CCNH: variants seen among roughly 807,000 people sequenced by gnomAD.
CCNH encodes cyclin H.
Under a neutral mutation model 41.9 loss-of-function variants are expected in CCNH, and 31 were observed. The ratio of observed to expected loss-of-function variants is 0.74; its 90% confidence interval spans 0.56 to 1.00. The LOEUF (loss-of-function observed/expected upper bound fraction) is 1.00. Ranked by LOEUF, CCNH falls within the 50% of genes least tolerant of loss-of-function variation. The pLI is 0.00. For missense variants in CCNH, 362 were observed against 388.4 expected, an observed-to-expected ratio of 0.93 and a Z score of 0.57; for synonymous variants, 138 against 136.1, an observed-to-expected ratio of 1.01 and a Z score of -0.10.
intron 9 of CCNH, among the ~76,000 whole-genome samples, chr5:87,385,851 A>G (rs141516104): frequency 1.3e-5 from 2 of 152,050 alleles, no homozygotes; most frequent in Non-Finnish European, 2.9e-5. Flanking sequence ...TTCTTGCCAT[A>G]TGTGGAAATA....
At chr5:87,392,633 C>CT (rs971667090), downstream of CCNH, 1 of 234,364 alleles carries the variant, frequency 4.3e-6, no homozygotes, top group African/African-American at 2.3e-5. Flanking sequence ...ACACCTCAAT[C>CT]TTTAGCCATA....
At chr5:87,348,372 A>T (rs548967377) in intron 9 of CCNH, among the ~76,000 whole-genome samples, 4 of 152,070 alleles carry the variant, frequency 2.6e-5, no homozygotes, top group Admixed American at 6.6e-5. Context: ...TCTTTTCTGG[A>T]TCATTTGAAC....
At chr5:87,390,661 G>C (rs576160249), downstream of CCNH, 155 of 738,224 alleles carry the variant, frequency 2.1e-4, 3 homozygotes, top group South Asian at 2.3e-3. Flanking sequence ...GAATAATAGA[G>C]ACTTATGTTT....
chr5:87,410,305 T>C (rs1463876697), intron 2 of CCNH, among the ~76,000 whole-genome samples: 1 of 152,182 alleles, frequency 6.6e-6, no homozygotes, highest in Non-Finnish European at 1.5e-5. Flanking sequence ...TTAAATTTAC[T>C]GCCTCATTTT....
chr5:87,359,215 G>A (rs2112447403), intron 9 of CCNH, among the ~76,000 whole-genome samples: 1 of 152,274 alleles, frequency 6.6e-6, no homozygotes, highest in Admixed American at 6.5e-5. Context: ...GGATCTGCAA[G>A]TTAAGTCTGT....
the CCNH span, among the ~76,000 whole-genome samples, chr5:87,312,676 A>G: frequency 5.3e-5 from 8 of 152,176 alleles, no homozygotes; most frequent in African/African-American, 1.9e-4. Flanking sequence ...AATCTCAGGG[A>G]TATCTGGAAC....
chr5:87,404,857 T>C lies in CCNH; in HGVS notation c.676A>G (p.Ile226Val), dbSNP rs1360115105. ...AILSSASRAG[I>V]TMESYLSESL... is the part of the protein sequence containing the mutation. Reference sequence around the variant, plus strand: ...ACTAATTAATACCTTTCCATAGTAATTCCAGCCCTGGAGGCACTAGATAAA... The same window carrying C: ...ACTAATTAATACCTTTCCATAGTAACTCCAGCCCTGGAGGCACTAGATAAA... The change falls in exon 5 of 9, where the codon ATT (isoleucine) becomes GTT (valine). Residue 226 changes from isoleucine (I) to valine (V), a missense_variant. Coordinates refer to ENST00000256897, the MANE Select transcript of CCNH (RefSeq NM_001239.4). The C allele has an allele frequency of 6.2e-7, 1 of 1,609,386 alleles. No homozygotes were observed. The highest frequency in any genetic ancestry group is 2.2e-5 in the East Asian group (1 of 44,698).
At chr5:87,335,863 A>G (rs1757939541) in intron 9 of CCNH, among the ~76,000 whole-genome samples, 1 of 152,232 alleles carries the variant, frequency 6.6e-6, no homozygotes, top group African/African-American at 2.4e-5. Flanking sequence ...TTAAAGTGCA[A>G]GATAGACCAA....
chr5:87,312,101 A>ATGATG, the CCNH span, among the ~76,000 whole-genome samples: 1 of 152,266 alleles, frequency 6.6e-6, no homozygotes, highest in South Asian at 2.1e-4. Flanking sequence ...TGATCACTGC[A>ATGATG]TGATGCAACC....
chr5:87,311,659 G>C, the CCNH span, among the ~76,000 whole-genome samples: 3 of 152,208 alleles, frequency 2.0e-5, no homozygotes, highest in Non-Finnish European at 4.4e-5. Flanking sequence ...CACGTGTCAA[G>C]TATTGCCAAC....
chr5:87,374,052 G>A (rs1203954020), downstream of CCNH: 14 of 965,606 alleles, frequency 1.4e-5, no homozygotes, highest in Non-Finnish European at 1.6e-5. Context: ...AAAAAAAAGG[G>A]GAAAATAAGT....
At position 87,341,335 on chromosome 5, in the gene CCNH, A is replaced by T. The variant is rs2112398215; in HGVS notation, c.*91-22438T>A. 1 of 1,297,110 alleles carries T rather than the reference A, an allele frequency of 7.7e-7. No individual in the cohort carries two copies. The highest frequency in any genetic ancestry group is 9.7e-7 in the Non-Finnish European group (1 of 1,026,234). 80.4% of individuals were successfully genotyped at this position (1,297,110 alleles called of 1,614,324 possible). ...TGAAGGAAAAATGTGAGTTTGTGTT[A>T]ATTATTAAAATGAAAAAAAAAATCT... On this transcript the variant is annotated intron_variant and NMD_transcript_variant, in intron 9 of 9. Coordinates refer to the CCNH transcript ENST00000645953.
chr5:87,374,794 T>C (rs758952865), downstream of CCNH: 8 of 1,603,710 alleles, frequency 5.0e-6, no homozygotes, highest in African/African-American at 1.3e-5. Context: ...TAAGGTAGTT[T>C]GATGCCAAAA....
chr5:87,372,092 CT>C (rs747712492), downstream of CCNH: 2 of 1,603,156 alleles, frequency 1.2e-6, no homozygotes, highest in Non-Finnish European at 1.7e-6. Flanking sequence ...GTGTATATTT[CT>C]TTGAAGTGCT....
rs760488477 is a variant in CCNH, at chr5:87,411,335, A to C, written c.129T>G (p.Asn43Lys). ...CATGAGGCTCAAGAAAGACTGGATC[A>C]TTCGGAAGAACCTTTAGATCAACAA... Reference protein sequence around the residue: ...KAVANGKVLPNDPVFLEPHEE... With the variant: ...KAVANGKVLPKDPVFLEPHEE... Residue 43 changes from asparagine to lysine, a missense_variant, in exon 2 of 9, where the codon AAT (asparagine) becomes AAG (lysine). Coordinates refer to ENST00000256897, the MANE Select transcript of CCNH (RefSeq NM_001239.4). 2 of 1,607,684 alleles carry C rather than the reference A, an allele frequency of 1.2e-6. No individual in the cohort carries two copies. The highest frequency in any genetic ancestry group is 1.7e-6 in the Non-Finnish European group (2 of 1,177,904).
chr5:87,395,868 T>C (rs1439579944), intron 7 of CCNH, among the ~76,000 whole-genome samples: 1 of 152,080 alleles, frequency 6.6e-6, no homozygotes, highest in African/African-American at 2.4e-5. Flanking sequence ...GAGAAGACTT[T>C]TTCTCAAAAA....
intron 9 of CCNH, among the ~76,000 whole-genome samples, chr5:87,340,802 A>G (rs999966489): frequency 3.4e-4 from 52 of 152,268 alleles, no homozygotes; most frequent in Non-Finnish European, 6.0e-4. Flanking sequence ...CAAAAAGTAC[A>G]AGCTACAGTG....
intron 9 of CCNH, among the ~76,000 whole-genome samples, chr5:87,319,943 A>G (rs1489790966): frequency 6.6e-6 from 1 of 152,214 alleles, no homozygotes; most frequent in African/African-American, 2.4e-5. Context: ...ATGAGCATAT[A>G]CTTTTAGAAA....
chr5:87,340,672 A>T (rs888589875), intron 9 of CCNH, among the ~76,000 whole-genome samples: 1 of 152,186 alleles, frequency 6.6e-6, no homozygotes, highest in Admixed American at 6.5e-5. Context: ...GTTGATGTTC[A>T]CTTTTTACGG....
Sources: allele counts gnomAD v4.1 joint callset (sites outside exome capture counted in the v4.1 genomes callset), GRCh38; gene constraint gnomAD v4.1.1; transcripts MANE v1.5; gene names NCBI Gene and HGNC (gene_info 2026-07-23, HGNC 2026-07-21).